The following GXYLT2 variants were observed in gnomAD, a reference collection of about 807,000 sequenced individuals.
GXYLT2 encodes the protein glycosyltransferase 8 domain containing 4.
GXYLT2 carries 53 observed loss-of-function variants against 45.8 expected under a neutral mutation model. The observed-to-expected ratio is 1.16, with a 90% CI of 0.93 to 1.46. The LOEUF (loss-of-function observed/expected upper bound fraction) is 1.46, where lower values mean the gene tolerates loss of function less well. GXYLT2 is among the 40% of genes most tolerant of loss of function. The pLI is 0.00. For missense variants in GXYLT2, 551 were observed against 544.4 expected (o/e 1.01, Z -0.12); for synonymous variants, 219 against 214.2 (o/e 1.02, Z -0.19).
chr3:72,910,479 C>G (rs542498437), intron 2 of GXYLT2, among the ~76,000 whole-genome samples: 1 of 152,118 alleles, frequency 6.6e-6, no homozygotes, highest in East Asian at 1.9e-4. Flanking sequence ...TTGAGGCTAG[C>G]GGGTTTGCTA....
At chr3:72,948,873 G>T (rs1710461819) in intron 3 of GXYLT2, among the ~76,000 whole-genome samples, 1 of 151,340 alleles carries the variant, frequency 6.6e-6, no homozygotes, top group South Asian at 2.1e-4. Flanking sequence ...TGACTGCTCT[G>T]TGAGGAGTGG....
chr3:72,972,644 A>G (rs942299416), intron 6 of GXYLT2, among the ~76,000 whole-genome samples: 3 of 148,484 alleles, frequency 2.0e-5, no homozygotes, highest in African/African-American at 7.4e-5. Flanking sequence ...CTGTCTCGGA[A>G]AAAAAAAAAA....
chr3:72,902,923 G>A (rs781642741), intron 1 of GXYLT2, among the ~76,000 whole-genome samples: 1 of 152,200 alleles, frequency 6.6e-6, no homozygotes, highest in African/African-American at 2.4e-5. Flanking sequence ...TGAGGCAGGA[G>A]AATCGTTTGA....
At chr3:72,897,764 A>G (rs1477472272) in intron 1 of GXYLT2, among the ~76,000 whole-genome samples, 4 of 152,206 alleles carry the variant, frequency 2.6e-5, no homozygotes, top group African/African-American at 4.8e-5. Context: ...GTCAAGTGGC[A>G]GGCCTAGAAT....
intron 3 of GXYLT2, among the ~76,000 whole-genome samples, chr3:72,939,767 A>G (rs1260242948): frequency 1.3e-5 from 2 of 151,390 alleles, no homozygotes; most frequent in African/African-American, 4.9e-5. Context: ...TGCAGCCTCA[A>G]CCTCCCCAGG....
chr3:72,896,003 A>G (rs572728198), intron 1 of GXYLT2, among the ~76,000 whole-genome samples: 163 of 152,348 alleles, frequency 1.1e-3, no homozygotes, highest in African/African-American at 3.8e-3. Flanking sequence ...CGAGAGGTGA[A>G]ATAATAATGT....
At chr3:72,922,840 C>A (rs952067299) in intron 3 of GXYLT2, among the ~76,000 whole-genome samples, 1 of 152,094 alleles carries the variant, frequency 6.6e-6, no homozygotes, top group Non-Finnish European at 1.5e-5. Context: ...AATCTTGAGG[C>A]CGGCATGGCG....
chr3:72,936,974 A>G (rs1468745827), intron 3 of GXYLT2, among the ~76,000 whole-genome samples: 5 of 152,222 alleles, frequency 3.3e-5, no homozygotes, highest in Non-Finnish European at 5.9e-5. Context: ...TACAGAATCA[A>G]TTTAAATAAT....
At chr3:72,951,397 T>C (rs573919498) in intron 3 of GXYLT2, among the ~76,000 whole-genome samples, 1 of 152,280 alleles carries the variant, frequency 6.6e-6, no homozygotes, top group South Asian at 2.1e-4. Flanking sequence ...TAATTATACT[T>C]GACATTTTAA....
chr3:72,946,106 GTC>G (rs911401981), intron 3 of GXYLT2, among the ~76,000 whole-genome samples: 6 of 151,630 alleles, frequency 4.0e-5, no homozygotes, highest in Admixed American at 2.0e-4. Flanking sequence ...GCGAGACCTT[GTC>G]TCTCCAAAAA....
Position 72,919,674 on chromosome 3 carries a change from G to C in GXYLT2, c.469-2530G>C, listed in dbSNP as rs149176540. On this transcript the variant is annotated intron_variant, in intron 2 of 6. Transcript: ENST00000389617. ...GGAGGCTGAAGCAGGAGAATTGCTGGAACGTGGGAGGCGGCGGTTGCAGTG... is the reference window on the plus strand; with the variant it reads ...GGAGGCTGAAGCAGGAGAATTGCTGCAACGTGGGAGGCGGCGGTTGCAGTG... Among the ~76,000 whole-genome samples the C allele has an allele frequency of 4.1e-3, 631 of 152,362 alleles. 6 individuals carry two copies. The highest frequency in any genetic ancestry group is 0.014 in the African/African-American group (594 of 41,586).
intron 3 of GXYLT2, chr3:72,926,920 A>G (rs556943223): frequency 1.3e-5 from 2 of 152,116 alleles, no homozygotes; most frequent in Admixed American, 6.6e-5. Context: ...TTTGCTCCCA[A>G]CATTCACCAT....
chr3:72,895,898 A>G (rs1259047508), intron 1 of GXYLT2, among the ~76,000 whole-genome samples: 2 of 152,252 alleles, frequency 1.3e-5, no homozygotes, highest in African/African-American at 4.8e-5. Context: ...CTGTAATCTC[A>G]TATGGTACAA....
intron 1 of GXYLT2, among the ~76,000 whole-genome samples, chr3:72,893,402 A>T (rs540384483): frequency 1.0e-3 from 152 of 152,220 alleles, no homozygotes; most frequent in African/African-American, 3.6e-3. Flanking sequence ...ACTATGCTCA[A>T]ATGTTTTCTC....
intron 2 of GXYLT2, among the ~76,000 whole-genome samples, chr3:72,918,221 C>T (rs917201128): frequency 2.0e-5 from 3 of 152,142 alleles, no homozygotes; most frequent in Non-Finnish European, 2.9e-5. Context: ...TTTTTTAAAA[C>T]TATTTTAGAA....
At position 72,905,142 on chromosome 3, in the gene GXYLT2, CAG is replaced by C. The variant is rs532021075; in HGVS notation, c.276-3222_276-3221del. ...TGTCCTGCATTTGTTTTCTTTGAGA[CAG>C]AGTCTCACTCTCACCCAGGCTGGAG... On this transcript the variant is annotated intron_variant, in intron 1 of 6. Transcript: ENST00000389617. 5.4e-4 allele frequency among the ~76,000 whole-genome samples: 81 copies of C among 148,928 alleles called. No homozygotes were observed. In the Middle Eastern group the frequency reaches 0.01, roughly 19 times the overall value.
intron 1 of GXYLT2, among the ~76,000 whole-genome samples, chr3:72,893,720 C>T (rs1331911907): frequency 6.6e-6 from 1 of 152,164 alleles, no homozygotes; most frequent in Non-Finnish European, 1.5e-5. Context: ...TCCTTATTAT[C>T]TAATAATATT....
At chr3:72,919,267 G>A (rs150675858) in intron 2 of GXYLT2, among the ~76,000 whole-genome samples, 73 of 152,252 alleles carry the variant, frequency 4.8e-4, no homozygotes, top group Non-Finnish European at 8.5e-4. Flanking sequence ...TAAACAAACT[G>A]TGATATATTC....
chr3:72,956,699 G>A (rs1170754952), intron 4 of GXYLT2, among the ~76,000 whole-genome samples: 1 of 151,970 alleles, frequency 6.6e-6, no homozygotes, highest in Non-Finnish European at 1.5e-5. Context: ...TATCAGCCTC[G>A]CCAACAGGGG....
Sources: gnomAD v4.1 joint callset for allele counts (sites outside exome capture counted in the v4.1 genomes callset) on GRCh38, gnomAD v4.1.1 for gene constraint, MANE v1.5 for transcripts, NCBI Gene and HGNC (gene_info 2026-07-23, HGNC 2026-07-21) for gene names.